LRCH1: variants seen among roughly 807,000 people sequenced by gnomAD.
The protein encoded by LRCH1 is leucine-rich repeat and calponin homology domain-containing protein 1.
Under a neutral mutation model 94.9 loss-of-function variants are expected in LRCH1, and 23 were observed. The ratio of observed to expected loss-of-function variants is 0.24; its 90% CI spans 0.17 to 0.34. The LOEUF is 0.34. Among genes scored for constraint, LRCH1 ranks in the 10% least tolerant of loss-of-function variants. The pLI is 1.00. For missense variants in LRCH1, 790 were observed against 945.9 expected (o/e 0.84, Z 2.16); for synonymous variants, 364 against 354.9 (o/e 1.03, Z -0.29).
At chr13:46,701,238 G>A (rs753493481) in intron 11 of LRCH1, 31 bp downstream of exon 11, 1 of 1,466,154 alleles carries the variant, frequency 6.8e-7, no homozygotes, top group Admixed American at 1.7e-5. Flanking sequence ...CAGGTTTCAT[G>A]TGTAAATAAT....
intron 18 of LRCH1, among the ~76,000 whole-genome samples, chr13:46,731,294 G>A (rs562614580): frequency 6.6e-6 from 1 of 152,242 alleles, no homozygotes; most frequent in East Asian, 1.9e-4. Flanking sequence ...CAGGAGTGCA[G>A]TGGCACGATC....
chr13:46,717,972 G>A (rs530340000), intron 16 of LRCH1, among the ~76,000 whole-genome samples: 76 of 152,296 alleles, frequency 5.0e-4, no homozygotes, highest in African/African-American at 1.8e-3. Context: ...GATGAAGGAG[G>A]ATGTGGACGT....
At chr13:46,595,253 C>T (rs563459480) in intron 1 of LRCH1, among the ~76,000 whole-genome samples, 1 of 152,232 alleles carries the variant, frequency 6.6e-6, no homozygotes, top group South Asian at 2.1e-4. Context: ...TTAGAGGATG[C>T]ATAGGCCAGG....
intron 2 of LRCH1, among the ~76,000 whole-genome samples, chr13:46,658,353 C>T (rs1222249622): frequency 6.6e-6 from 1 of 152,186 alleles, no homozygotes; most frequent in Non-Finnish European, 1.5e-5. Flanking sequence ...TTTAAGTCCA[C>T]AATTTCCCTG....
Position 46,703,694 on chromosome 13 carries a change from A to G in LRCH1, c.1401-1374A>G, listed in dbSNP as rs181842456. On this transcript the variant is annotated intron_variant, in intron 11 of 19. Transcript: ENST00000389797. ...TAAGACAGAATGTGATGTGGCCAAT[A>G]TAATGTTTTTTAAAGTTTCTAGTGA... Among the ~76,000 whole-genome samples the G allele has an allele frequency of 2.0e-3, 306 of 152,298 alleles. 4 individuals are homozygous for G. The highest frequency in any genetic ancestry group is 3.8e-4 in the Non-Finnish European group (26 of 68,006).
At chr13:46,588,746 G>A (rs72476645) in intron 1 of LRCH1, among the ~76,000 whole-genome samples, 1 of 150,472 alleles carries the variant, frequency 6.6e-6, no homozygotes, top group South Asian at 2.1e-4. Flanking sequence ...GATTACAGGC[G>A]CCCGCCACTA....
At chr13:46,711,919 A>G in intron 14 of LRCH1, 75 bp downstream of exon 14, 5 of 1,112,942 alleles carry the variant, frequency 4.5e-6, no homozygotes, top group Non-Finnish European at 6.8e-6. Context: ...ACAGAAATAT[A>G]TAATCTAAGA....
chr13:46,625,571 G>T (rs1281389155), intron 1 of LRCH1, among the ~76,000 whole-genome samples: 1 of 150,480 alleles, frequency 6.6e-6, no homozygotes, highest in Non-Finnish European at 1.5e-5. Flanking sequence ...TGCTCCTTGA[G>T]CCCGGACTCC....
At chr13:46,649,721 C>T (rs183915933) in intron 1 of LRCH1, among the ~76,000 whole-genome samples, 135 of 151,496 alleles carry the variant, frequency 8.9e-4, no homozygotes, top group Middle Eastern at 3.4e-3. Flanking sequence ...CCCAGCTACT[C>T]GAGAGGCTGA....
At chr13:46,629,581 T>C (rs2050994646) in intron 1 of LRCH1, among the ~76,000 whole-genome samples, 1 of 152,100 alleles carries the variant, frequency 6.6e-6, no homozygotes, top group Non-Finnish European at 1.5e-5. Flanking sequence ...GGGTGCTCAG[T>C]GGAACTCCAG....
intron 4 of LRCH1, among the ~76,000 whole-genome samples, chr13:46,684,671 G>T (rs972963268): frequency 6.6e-6 from 1 of 152,128 alleles, no homozygotes; most frequent in Non-Finnish European, 1.5e-5. Flanking sequence ...GAGGTGAAAG[G>T]GGATCTTGCT....
intron 2 of LRCH1, among the ~76,000 whole-genome samples, chr13:46,668,737 GGGGT>G (rs2051556022): frequency 6.7e-6 from 1 of 149,146 alleles, no homozygotes; most frequent in Non-Finnish European, 1.5e-5. Flanking sequence ...GCGGGGTGGC[GGGGT>G]GGCGGGGGGA....
At chr13:46,578,780 G>C (rs529731957) in intron 1 of LRCH1, among the ~76,000 whole-genome samples, 7 of 151,984 alleles carry the variant, frequency 4.6e-5, no homozygotes, top group Non-Finnish European at 1.0e-4. Context: ...GGGATGTACG[G>C]GGTGTGTGGC....
At chr13:46,671,204 T>G (rs971091190) in intron 3 of LRCH1, among the ~76,000 whole-genome samples, 3 of 152,256 alleles carry the variant, frequency 2.0e-5, no homozygotes, top group Non-Finnish European at 4.4e-5. Flanking sequence ...TGGTTAGTTC[T>G]TAGCCAAGTT....
At chr13:46,646,003 A>G (rs1004993380) in intron 1 of LRCH1, among the ~76,000 whole-genome samples, 2 of 152,242 alleles carry the variant, frequency 1.3e-5, no homozygotes, top group Non-Finnish European at 2.9e-5. Flanking sequence ...AACCACACAT[A>G]TAAGTTTTCG....
chr13:46,727,534 G>A (rs956622909), intron 17 of LRCH1, among the ~76,000 whole-genome samples: 1 of 152,188 alleles, frequency 6.6e-6, no homozygotes, highest in African/African-American at 2.4e-5. Flanking sequence ...ACGGAGTCTC[G>A]CTTTATCATC....
In LRCH1 at chr13:46,728,832, TG is replaced by T; in HGVS notation, c.1870-14del. ...GTGTTCATATTAACTGGCTTCCTTC[TG>T]ATTTCCCCAACAGAGCATTGAGATG... On this transcript the variant is annotated splice_polypyrimidine_tract_variant and intron_variant, in intron 17 of 19. Coordinates refer to ENST00000389797, the MANE Select transcript of LRCH1 (RefSeq NM_001164211.2). 6.3e-7 allele frequency: 1 copy of T among 1,585,762 alleles called. No individual in the cohort carries two copies. Among genetic ancestry groups the T allele is most frequent in the Non-Finnish European group, 8.6e-7 (1 of 1,160,600 alleles).
At position 46,707,725 on chromosome 13, in the gene LRCH1, A is replaced by T. The variant is rs1871841667; in HGVS notation, c.1527+2421A>T. On this transcript the variant is annotated intron_variant, in intron 13 of 19. Coordinates refer to ENST00000389797, the MANE Select transcript of LRCH1 (RefSeq NM_001164211.2). ...ATGTATATATTCCTGAATTTTTTTTAAAAAGGAAGTATTGTTACATGCCAG... is the reference window on the plus strand; with the variant it reads ...ATGTATATATTCCTGAATTTTTTTTTAAAAGGAAGTATTGTTACATGCCAG... Among the ~76,000 whole-genome samples, 3 of 152,102 alleles carry T rather than the reference A, an allele frequency of 2.0e-5. No individual in the cohort carries two copies. In the South Asian group the frequency reaches 6.2e-4, roughly 31 times the overall value.
chr13:46,560,661 T>C (rs2050120589), intron 1 of LRCH1, among the ~76,000 whole-genome samples: 1 of 152,202 alleles, frequency 6.6e-6, no homozygotes, highest in South Asian at 2.1e-4. Flanking sequence ...TAGTCTTTTG[T>C]TGCATGAAAG....
Sources: gnomAD v4.1 joint callset for allele counts (sites outside exome capture counted in the v4.1 genomes callset) on GRCh38, gnomAD v4.1.1 for gene constraint, MANE v1.5 for transcripts, NCBI Gene and HGNC (gene_info 2026-07-23, HGNC 2026-07-21) for gene names.